MSRA: variants seen among roughly 807,000 people sequenced by gnomAD.
MSRA encodes mitochondrial peptide methionine sulfoxide reductase.
MSRA carries 54 observed loss-of-function variants against 31.3 expected under a neutral mutation model. The ratio of observed to expected loss-of-function variants is 1.73; its 90% CI spans 1.39 to 2.17. The LOEUF is 2.17. MSRA is among the 30% of genes most tolerant of loss of function. The probability of loss-of-function intolerance (pLI) is 0.00; values close to 1 mark genes in which losing one functional copy is unlikely to be tolerated. For synonymous variants in MSRA, 169 were observed against 116.5 expected (o/e 1.45, Z -2.90); for missense variants, 507 against 300.9 (o/e 1.69, Z -5.07).
At chr8:10,072,698 T>C (rs141277729) in intron 1 of MSRA, among the ~76,000 whole-genome samples, 1 of 152,386 alleles carries the variant, frequency 6.6e-6, no homozygotes, top group African/African-American at 2.4e-5. Flanking sequence ...AATTGATGTC[T>C]TTATTATGCT....
intron 1 of MSRA, among the ~76,000 whole-genome samples, chr8:10,061,626 A>G (rs1307492870): frequency 6.6e-6 from 1 of 152,040 alleles, no homozygotes; most frequent in African/African-American, 2.4e-5. Context: ...GAGTGCAGTC[A>G]ATAGTGTTTT....
chr8:10,379,287 AAAG>A (rs1457719498), intron 5 of MSRA, among the ~76,000 whole-genome samples: 2 of 152,134 alleles, frequency 1.3e-5, no homozygotes, highest in Non-Finnish European at 2.9e-5. Context: ...GAAGTGATCC[AAAG>A]AAGATTGCTT....
intron 1 of MSRA, among the ~76,000 whole-genome samples, chr8:10,127,412 T>G (rs1801581235): frequency 6.6e-6 from 1 of 152,236 alleles, no homozygotes. Flanking sequence ...TAAATCTATA[T>G]GGAGTACAAA....
intron 1 of MSRA, among the ~76,000 whole-genome samples, chr8:10,064,055 T>C (rs1439620641): frequency 6.6e-6 from 1 of 152,170 alleles, no homozygotes; most frequent in East Asian, 1.9e-4. Flanking sequence ...CTTGGGGAGA[T>C]GAAGGTAGAA....
At chr8:10,156,313 T>G (rs1650442191) in intron 1 of MSRA, among the ~76,000 whole-genome samples, 1 of 152,178 alleles carries the variant, frequency 6.6e-6, no homozygotes, top group East Asian at 1.9e-4. Flanking sequence ...TTTCCTTTTT[T>G]AAAGGTGTGA....
At chr8:10,328,052 TA>T (rs1460814626) in intron 5 of MSRA, among the ~76,000 whole-genome samples, 1,512 of 122,738 alleles carry the variant, frequency 0.012, 18 homozygotes, top group Non-Finnish European at 0.017. Flanking sequence ...TTTTTTTTTT[TA>T]GTATCAGTGA....
chr8:10,192,308 AG>A (rs1410212383), intron 1 of MSRA, among the ~76,000 whole-genome samples: 1 of 152,230 alleles, frequency 6.6e-6, no homozygotes, highest in Non-Finnish European at 1.5e-5. Flanking sequence ...CTATACCTTT[AG>A]AACCAGGGGA....
chr8:10,290,717 CA>C (rs1438597038), intron 3 of MSRA, among the ~76,000 whole-genome samples: 1 of 152,200 alleles, frequency 6.6e-6, no homozygotes, highest in African/African-American at 2.4e-5. Context: ...ACAAGGCACA[CA>C]CAGACCTCTT....
At chr8:10,264,411 C>G (rs1178184547) in intron 3 of MSRA, among the ~76,000 whole-genome samples, 4 of 152,334 alleles carry the variant, frequency 2.6e-5, no homozygotes, top group Admixed American at 6.5e-5. Context: ...ATATTTGATT[C>G]TAGGTCTTTT....
At chr8:10,325,934 G>A (rs1802338306) in intron 5 of MSRA, among the ~76,000 whole-genome samples, 1 of 152,152 alleles carries the variant, frequency 6.6e-6, no homozygotes, top group African/African-American at 2.4e-5. Flanking sequence ...CTGGATTATG[G>A]TCTAGAACTC....
intron 2 of MSRA, among the ~76,000 whole-genome samples, chr8:10,242,128 G>A (rs1345191743): frequency 6.6e-6 from 1 of 152,060 alleles, no homozygotes; most frequent in Non-Finnish European, 1.5e-5. Context: ...AGAATTAGCC[G>A]GGCATGGTAG....
intron 1 of MSRA, among the ~76,000 whole-genome samples, chr8:10,197,999 C>T (rs1227459763): frequency 6.6e-6 from 1 of 152,186 alleles, no homozygotes; most frequent in East Asian, 1.9e-4. Flanking sequence ...ACTGCTTTCT[C>T]TTTCCTGCTC....
At chr8:10,379,261 T>G (rs1805918900) in intron 5 of MSRA, among the ~76,000 whole-genome samples, 1 of 151,942 alleles carries the variant, frequency 6.6e-6, no homozygotes, top group Non-Finnish European at 1.5e-5. Context: ...TAACCTTCCC[T>G]GTAAGCCCTC....
intron 5 of MSRA, among the ~76,000 whole-genome samples, chr8:10,368,026 C>T (rs1472283347): frequency 6.6e-6 from 1 of 152,152 alleles, no homozygotes; most frequent in Non-Finnish European, 1.5e-5. Context: ...GCAAGTGGAG[C>T]TGCCGGACGG....
chr8:10,094,749 G>T (rs1799035569), intron 1 of MSRA, among the ~76,000 whole-genome samples: 1 of 152,156 alleles, frequency 6.6e-6, no homozygotes, highest in African/African-American at 2.4e-5. Context: ...GCTTCAAAAG[G>T]TGTTTATGTT....
chr8:10,082,447 C>G (rs1798342579), intron 1 of MSRA, among the ~76,000 whole-genome samples: 1 of 152,286 alleles, frequency 6.6e-6, no homozygotes, highest in Middle Eastern at 3.4e-3. Context: ...CCCAGCCCTC[C>G]TTCCTTTCGC....
Position 10,428,875 on chromosome 8 carries a change from C to CCG in MSRA, c.*563_*564insCG. On this transcript the variant is annotated 3_prime_UTR_variant, in exon 6 of 6. Coordinates refer to ENST00000317173, the MANE Select transcript of MSRA (RefSeq NM_012331.5). ...AAATGTTTGTTTTAATAAAAACCTACAGTCCAATAATGCCAACTGCCTGAC... is the reference window on the plus strand; with the variant it reads ...AAATGTTTGTTTTAATAAAAACCTACCGAGTCCAATAATGCCAACTGCCTGAC... 6.5e-6 allele frequency: 1 copy of CCG among 153,018 alleles called. No homozygotes were observed. Among genetic ancestry groups the CCG allele is most frequent in the Non-Finnish European group, 1.5e-5 (1 of 68,612 alleles). 9.5% of individuals were successfully genotyped at this position (153,018 alleles called of 1,614,324 possible). A position where few individuals can be genotyped will look rare whatever the true frequency, so the allele number is the denominator to read the frequency against.
intron 4 of MSRA, among the ~76,000 whole-genome samples, chr8:10,309,533 C>A (rs1327152576): frequency 6.6e-6 from 1 of 152,250 alleles, no homozygotes; most frequent in Non-Finnish European, 1.5e-5. Flanking sequence ...TCTTGGTTCA[C>A]ACCCTTTATC....
At chr8:10,263,248 C>G (rs1206121443) in intron 3 of MSRA, among the ~76,000 whole-genome samples, 1 of 152,228 alleles carries the variant, frequency 6.6e-6, no homozygotes, top group East Asian at 1.9e-4. Context: ...CCCATTTCTT[C>G]CCTACTGGCC....
Sources: allele counts gnomAD v4.1 joint callset (sites outside exome capture counted in the v4.1 genomes callset), GRCh38; gene constraint gnomAD v4.1.1; transcripts MANE v1.5; gene names NCBI Gene and HGNC (gene_info 2026-07-23, HGNC 2026-07-21).